Variants in FER observed in about 807,000 individuals in gnomAD.
FER encodes the protein FER tyrosine kinase.
Under a neutral mutation model 111.0 loss-of-function variants are expected in FER, and 63 were observed. The observed-to-expected ratio is 0.57, with a 90% CI of 0.46 to 0.70. FER has a LOEUF of 0.70. FER is among the 30% of genes least tolerant of loss of function. The pLI, the probability that FER is intolerant of heterozygous loss-of-function variation, is 0.00. For missense variants in FER, 914 were observed against 954.0 expected (o/e 0.96, Z 0.55); for synonymous variants, 327 against 313.9 (o/e 1.04, Z -0.44).
At chr5:109,027,321 A>G (rs566788870) in intron 13 of FER, among the ~76,000 whole-genome samples, 6 of 152,296 alleles carry the variant, frequency 3.9e-5, no homozygotes, top group African/African-American at 1.4e-4. Context: ...AGGTAGAATT[A>G]TTTATCAAAA....
intron 13 of FER, among the ~76,000 whole-genome samples, chr5:108,965,465 G>A (rs900569334): frequency 2.6e-5 from 4 of 152,096 alleles, no homozygotes; most frequent in Admixed American, 6.5e-5. Flanking sequence ...ATTTTAAATT[G>A]TGAAAGAAGG....
chr5:108,854,975 G>T (rs1422421839), intron 5 of FER, among the ~76,000 whole-genome samples: 3 of 141,232 alleles, frequency 2.1e-5, no homozygotes, highest in South Asian at 2.2e-4. Flanking sequence ...AAAAAAAAGC[G>T]TAGAGGATTT....
At chr5:109,145,452 C>T (rs571474218) in intron 17 of FER, among the ~76,000 whole-genome samples, 1 of 152,092 alleles carries the variant, frequency 6.6e-6, no homozygotes, top group Non-Finnish European at 1.5e-5. Flanking sequence ...TTATGTGCTT[C>T]AGTGTTTTAT....
At chr5:109,112,716 T>C (rs1489745760) in intron 17 of FER, among the ~76,000 whole-genome samples, 1 of 152,200 alleles carries the variant, frequency 6.6e-6, no homozygotes, top group African/African-American at 2.4e-5. Context: ...ATTAGCTTTT[T>C]TCCCATTATC....
intron 3 of FER, among the ~76,000 whole-genome samples, chr5:108,803,558 C>T (rs2150058286): frequency 6.6e-6 from 1 of 152,196 alleles, no homozygotes; most frequent in South Asian, 2.1e-4. Flanking sequence ...ATAAAGCTAG[C>T]CAGCTATCCC....
At chr5:108,774,862 A>G (rs1753319998) in intron 2 of FER, among the ~76,000 whole-genome samples, 1 of 152,008 alleles carries the variant, frequency 6.6e-6, no homozygotes, top group Non-Finnish European at 1.5e-5. Flanking sequence ...CTCTGATGAT[A>G]GTTTCTTTCA....
chr5:108,993,107 C>G (rs890213242), intron 13 of FER, among the ~76,000 whole-genome samples: 3 of 151,908 alleles, frequency 2.0e-5, no homozygotes, highest in Non-Finnish European at 4.4e-5. Context: ...GGCGGCCAAG[C>G]AGAGAGGCTC....
chr5:108,988,891 G>C (rs1020443155), intron 13 of FER, among the ~76,000 whole-genome samples: 3 of 151,882 alleles, frequency 2.0e-5, no homozygotes, highest in Non-Finnish European at 4.4e-5. Context: ...TTGTCTATTT[G>C]TACTCTTTCA....
chr5:109,109,027 C>A (rs1307898316), intron 17 of FER, among the ~76,000 whole-genome samples: 1 of 152,168 alleles, frequency 6.6e-6, no homozygotes, highest in East Asian at 1.9e-4. Context: ...CTGTGCCAGT[C>A]TGGACTGTTT....
intron 16 of FER, among the ~76,000 whole-genome samples, chr5:109,092,892 G>A (rs971263687): frequency 2.6e-5 from 4 of 152,100 alleles, no homozygotes; most frequent in Non-Finnish European, 5.9e-5. Flanking sequence ...TAAAGAAAAT[G>A]GGGTATATAT....
intron 16 of FER, among the ~76,000 whole-genome samples, chr5:109,076,236 C>A (rs894040752): frequency 6.6e-6 from 1 of 151,996 alleles, no homozygotes; most frequent in African/African-American, 2.4e-5. Context: ...TATCATGTAA[C>A]AAAACAGTGA....
At chr5:108,894,778 A>AAG (rs1232739330) in intron 9 of FER, 4 of 183,672 alleles carry the variant, frequency 2.2e-5, no homozygotes, top group East Asian at 1.5e-4. Context: ...GGCAGCAGGC[A>AAG]AGAGAGAGAG....
intron 10 of FER, among the ~76,000 whole-genome samples, chr5:108,923,270 G>A (rs1018873446): frequency 3.3e-5 from 5 of 151,418 alleles, no homozygotes; most frequent in South Asian, 2.1e-4. Flanking sequence ...TGGTTGTTGC[G>A]GACAATAAAA....
chr5:109,138,840 A>T (rs987718210), intron 17 of FER, among the ~76,000 whole-genome samples: 1 of 152,226 alleles, frequency 6.6e-6, no homozygotes, highest in African/African-American at 2.4e-5. Context: ...GGGGTTGAAT[A>T]GTTGAATTCA....
intron 17 of FER, among the ~76,000 whole-genome samples, chr5:109,117,383 C>T (rs1338752665): frequency 1.3e-5 from 2 of 152,058 alleles, no homozygotes; most frequent in Non-Finnish European, 2.9e-5. Context: ...AGGGAAATAT[C>T]AAGGTCTTAT....
chr5:108,907,572 A>G (rs1295597712), intron 10 of FER, among the ~76,000 whole-genome samples: 1 of 151,326 alleles, frequency 6.6e-6, no homozygotes, highest in Non-Finnish European at 1.5e-5. Flanking sequence ...GGATTATAGG[A>G]GTGAGCCCCT....
At position 109,187,900 on chromosome 5, in the gene FER, T is replaced by C. The variant is rs1759057656; in HGVS notation, c.*325T>C. The C allele has an allele frequency of 3.4e-6, 1 of 294,074 alleles. No individual in the cohort carries two copies. The highest frequency in any genetic ancestry group is 6.3e-6 in the Non-Finnish European group (1 of 157,482). The allele number at this position is 294,074 out of a possible 1,614,324, so 18.2% of individuals were successfully genotyped here. On this transcript the variant is annotated 3_prime_UTR_variant, in exon 20 of 20. Transcript: ENST00000281092. ...TATCCTTTTCACACCTTGTTTCTAC[T>C]TCAGGCACAGTTTGTAGGCTGCCAT...
At chr5:108,771,439 T>C (rs192029175) in intron 2 of FER, among the ~76,000 whole-genome samples, 16 of 152,254 alleles carry the variant, frequency 1.1e-4, no homozygotes, top group Admixed American at 1.0e-3. Flanking sequence ...AACTGAAAAA[T>C]GCCTTGGAGA....
In FER at chr5:108,810,193, G is replaced by A. The variant is rs150556002; in HGVS notation, c.207+11804G>A. Among the ~76,000 whole-genome samples, 757 of 152,152 alleles carry A rather than the reference G, an allele frequency of 5.0e-3. 5 individuals carry two copies. The highest frequency in any genetic ancestry group is 6.2e-3 in the Non-Finnish European group (419 of 68,024). ...TTTTGGCTCTGCCGTATGGACTTCC[G>A]TTGGCAGGTTTTATACTGGGCTTTT... On this transcript the variant is annotated intron_variant, in intron 3 of 19. Coordinates refer to ENST00000281092, the MANE Select transcript of FER (RefSeq NM_005246.4).
Sources: allele counts gnomAD v4.1 joint callset (sites outside exome capture counted in the v4.1 genomes callset), GRCh38; gene constraint gnomAD v4.1.1; transcripts MANE v1.5; gene names NCBI Gene and HGNC (gene_info 2026-07-23, HGNC 2026-07-21).